Variants in CSGALNACT1 observed in about 807,000 individuals in gnomAD.
CSGALNACT1 encodes the protein beta4GalNAcT-1.
In CSGALNACT1, 52 loss-of-function variants were observed where a neutral mutation model predicts 51.0. The observed-to-expected ratio is 1.02, with a 90% CI of 0.82 to 1.29. The LOEUF (loss-of-function observed/expected upper bound fraction) is 1.29. Among genes scored for constraint, CSGALNACT1 ranks in the 50% most tolerant of loss-of-function variants. CSGALNACT1 has a pLI of 0.00. For synonymous variants in CSGALNACT1, 341 were observed against 254.4 expected, an observed-to-expected ratio of 1.34 and a Z score of -3.24; for missense variants, 935 against 679.2, an observed-to-expected ratio of 1.38 and a Z score of -4.19.
chr8:19,541,905 A>G (rs947501224), intron 3 of CSGALNACT1, among the ~76,000 whole-genome samples: 4 of 152,112 alleles, frequency 2.6e-5, no homozygotes, highest in Non-Finnish European at 4.4e-5. Context: ...CATGTCAAAT[A>G]TTGCTCCTGG....
intron 3 of CSGALNACT1, among the ~76,000 whole-genome samples, chr8:19,571,825 G>A (rs1350785854): frequency 6.6e-6 from 1 of 152,200 alleles, no homozygotes; most frequent in East Asian, 1.9e-4. Context: ...TATCAGACAA[G>A]GGCTGCCTGG....
At chr8:19,681,111 T>C (rs563352642) in intron 1 of CSGALNACT1, among the ~76,000 whole-genome samples, 2 of 152,228 alleles carry the variant, frequency 1.3e-5, no homozygotes, top group East Asian at 3.9e-4. Flanking sequence ...CCTGAAGATA[T>C]GAAGGGACGA....
chr8:19,453,910 A>T lies in CSGALNACT1; in HGVS notation c.851+4516T>A, dbSNP rs571977198. ...CTGGGTGACAGAGTGATACTCCTCC[A>T]TGAGAAAGAAGGAAGGTAGGGAGGG... On this transcript the variant is annotated intron_variant, in intron 5 of 9. Transcript: ENST00000454498. Among the ~76,000 whole-genome samples, 31 of 141,604 alleles carry T rather than the reference A, an allele frequency of 2.2e-4. 2 individuals are homozygous for T. In the South Asian group the frequency reaches 7.0e-3, roughly 32 times the overall value. 92.9% of individuals were successfully genotyped at this position (141,604 alleles called of 152,430 possible).
intron 4 of CSGALNACT1, among the ~76,000 whole-genome samples, chr8:19,501,748 C>T (rs778867280): frequency 2.0e-5 from 3 of 152,140 alleles, no homozygotes; most frequent in African/African-American, 4.8e-5. Flanking sequence ...GAAATCAGAG[C>T]CAAAATATGT....
intron 1 of CSGALNACT1, among the ~76,000 whole-genome samples, chr8:19,640,657 C>A (rs2056632756): frequency 6.6e-6 from 1 of 152,212 alleles, no homozygotes; most frequent in Non-Finnish European, 1.5e-5. Context: ...TGATCTGGCA[C>A]ACTTGAATCT....
At position 19,632,462 on chromosome 8, in the gene CSGALNACT1, T is replaced by C. The variant is rs745561832; in HGVS notation, c.-543-30597A>G. ...TCTTCCAAACCAAATGGCAAAGCAT[T>C]TAAGGGAAGCATCAAAAAAGCATTC... On this transcript the variant is annotated intron_variant, in intron 1 of 9. Coordinates refer to the CSGALNACT1 transcript ENST00000332246. Among the ~76,000 whole-genome samples, 47 of 152,104 alleles carry C rather than the reference T, an allele frequency of 3.1e-4. 1 individual carries two copies. The highest frequency in any genetic ancestry group is 5.0e-4 in the Non-Finnish European group (34 of 68,018).
upstream of CSGALNACT1, chr8:19,682,867 ACAGGTC>A (rs558763055): frequency 1.0e-5 from 4 of 383,322 alleles, no homozygotes; most frequent in Non-Finnish European, 2.1e-5. Flanking sequence ...AGCAGCCCTC[ACAGGTC>A]CAACTGCAGA....
At chr8:19,541,236 A>C (rs1396734720) in intron 3 of CSGALNACT1, among the ~76,000 whole-genome samples, 2 of 148,150 alleles carry the variant, frequency 1.3e-5, no homozygotes, top group African/African-American at 2.5e-5. Flanking sequence ...CATGCCACCA[A>C]ACTTGGCTAA....
chr8:19,662,513 A>G (rs142258914), intron 1 of CSGALNACT1, among the ~76,000 whole-genome samples: 1 of 152,344 alleles, frequency 6.6e-6, no homozygotes, highest in Admixed American at 6.5e-5. Flanking sequence ...AAAAAGGTTC[A>G]CATCATCTAA....
upstream of CSGALNACT1, among the ~76,000 whole-genome samples, chr8:19,604,692 T>C (rs538587960): frequency 6.7e-6 from 1 of 148,488 alleles, no homozygotes; most frequent in South Asian, 2.1e-4. Flanking sequence ...CAGATCACAA[T>C]GTCAGGAGAT....
intron 1 of CSGALNACT1, among the ~76,000 whole-genome samples, chr8:19,733,806 C>CA (rs1302605508): frequency 6.6e-6 from 1 of 151,336 alleles, no homozygotes; most frequent in Non-Finnish European, 1.5e-5. Flanking sequence ...CATTAAGGCC[C>CA]TTTTTTTTTC....
chr8:19,526,875 G>C (rs1041653889), intron 3 of CSGALNACT1, among the ~76,000 whole-genome samples: 20 of 152,062 alleles, frequency 1.3e-4, no homozygotes, highest in Non-Finnish European at 2.6e-4. Flanking sequence ...GCCATTCCAG[G>C]AGTACAAAAA....
chr8:19,555,853 C>T (rs189391642), intron 3 of CSGALNACT1, among the ~76,000 whole-genome samples: 1 of 152,208 alleles, frequency 6.6e-6, no homozygotes, highest in Non-Finnish European at 1.5e-5. Context: ...AATGCAACTC[C>T]GTGGAAACAC....
At chr8:19,541,736 T>C (rs1051911657) in intron 3 of CSGALNACT1, among the ~76,000 whole-genome samples, 2 of 151,832 alleles carry the variant, frequency 1.3e-5, no homozygotes, top group African/African-American at 2.4e-5. Context: ...ATTTTTACTA[T>C]TGTTAGTTTG....
intron 3 of CSGALNACT1, among the ~76,000 whole-genome samples, chr8:19,573,587 G>C (rs964344727): frequency 2.6e-5 from 4 of 152,074 alleles, no homozygotes; most frequent in Non-Finnish European, 5.9e-5. Flanking sequence ...GGTATTATAG[G>C]TGTGAATCAC....
At chr8:19,428,275 T>A (rs1386108302) in intron 6 of CSGALNACT1, among the ~76,000 whole-genome samples, 1 of 152,148 alleles carries the variant, frequency 6.6e-6, no homozygotes, top group Non-Finnish European at 1.5e-5. Flanking sequence ...CTGGGTAATT[T>A]CTAAAGGAAA....
chr8:19,589,411 C>T (rs772570102), intron 3 of CSGALNACT1, among the ~76,000 whole-genome samples: 9 of 152,172 alleles, frequency 5.9e-5, no homozygotes, highest in Admixed American at 2.0e-4. Context: ...CTGCAACCTC[C>T]GTCTCCCAGG....
intron 1 of CSGALNACT1, among the ~76,000 whole-genome samples, chr8:19,706,226 TA>T (rs2062155265): frequency 6.6e-6 from 1 of 152,142 alleles, no homozygotes; most frequent in Non-Finnish European, 1.5e-5. Context: ...TCATTTAGAT[TA>T]GGGAGAATTC....
chr8:19,505,172 C>T, intron 4 of CSGALNACT1, 29 bp downstream of exon 3: 1 of 1,613,898 alleles, frequency 6.2e-7, no homozygotes, highest in African/African-American at 1.3e-5. Flanking sequence ...CTTTTCTTCT[C>T]CTTTCCCCCC....
Sources: allele counts gnomAD v4.1 joint callset (sites outside exome capture counted in the v4.1 genomes callset), GRCh38; gene constraint gnomAD v4.1.1; transcripts MANE v1.5; gene names NCBI Gene and HGNC (gene_info 2026-07-23, HGNC 2026-07-21).